SAMD5: variants seen among roughly 807,000 people sequenced by gnomAD.
SAMD5 encodes the protein sterile alpha motif domain-containing protein 5.
Under a neutral mutation model 11.3 loss-of-function variants are expected in SAMD5, and 13 were observed. That is an observed-to-expected ratio of 1.15 (90% CI 0.75 to 1.83). The LOEUF (loss-of-function observed/expected upper bound fraction) is 1.83, where lower values mean the gene tolerates loss of function less well. Ranked by LOEUF, SAMD5 falls within the 40% of genes most tolerant of loss-of-function variation. SAMD5 has a pLI of 0.00. For synonymous variants in SAMD5, 129 were observed against 111.3 expected (o/e 1.16, Z -1.00); for missense variants, 255 against 239.1 (o/e 1.07, Z -0.44).
chr6:147,665,608 C>G (rs1231274639), intron 1 of SAMD5, among the ~76,000 whole-genome samples: 3 of 152,172 alleles, frequency 2.0e-5, no homozygotes, highest in Non-Finnish European at 4.4e-5. Context: ...AGGGTGACCT[C>G]CTGCTGCTTT....
intron 1 of SAMD5, among the ~76,000 whole-genome samples, chr6:147,673,215 C>T (rs1790817591): frequency 6.7e-6 from 1 of 149,336 alleles, no homozygotes; most frequent in Non-Finnish European, 1.5e-5. Context: ...AAAGCAAAAA[C>T]CATTTTTTTT....
the SAMD5 span, among the ~76,000 whole-genome samples, chr6:147,889,930 C>G: frequency 1.3e-5 from 2 of 152,160 alleles, no homozygotes; most frequent in African/African-American, 4.8e-5. Flanking sequence ...CTCCCTTTGG[C>G]ATTGGTGTCC....
At chr6:147,828,764 T>C in the SAMD5 span, among the ~76,000 whole-genome samples, 1 of 152,194 alleles carries the variant, frequency 6.6e-6, no homozygotes, top group African/African-American at 2.4e-5. Context: ...GTTCTGTCCC[T>C]TTGGAGAACA....
chr6:147,798,881 G>T, the SAMD5 span, among the ~76,000 whole-genome samples: 150 of 152,160 alleles, frequency 9.9e-4, no homozygotes, highest in African/African-American at 3.5e-3. Context: ...TCAGAGACTA[G>T]GATTGCAACC....
chr6:147,620,838 T>A (rs1789948810), intron 1 of SAMD5, among the ~76,000 whole-genome samples: 1 of 152,076 alleles, frequency 6.6e-6, no homozygotes, highest in Non-Finnish European at 1.5e-5. Flanking sequence ...GGGGTCAATT[T>A]GGATGTTGGG....
At chr6:147,911,604 C>G in the SAMD5 span, among the ~76,000 whole-genome samples, 1 of 152,182 alleles carries the variant, frequency 6.6e-6, no homozygotes, top group Non-Finnish European at 1.5e-5. Flanking sequence ...TTAGAAATGC[C>G]TTTCCCTTTG....
chr6:147,637,859 G>A (rs1039559411), intron 1 of SAMD5, among the ~76,000 whole-genome samples: 2 of 120,242 alleles, frequency 1.7e-5, no homozygotes, highest in Admixed American at 1.6e-4. Context: ...AAGCAAGTTC[G>A]GTTTTTTTTT....
At chr6:147,810,407 C>T in the SAMD5 span, among the ~76,000 whole-genome samples, 1 of 152,160 alleles carries the variant, frequency 6.6e-6, no homozygotes, top group Non-Finnish European at 1.5e-5. Flanking sequence ...GAGCCTGTGA[C>T]CCAGGAGCAC....
the SAMD5 span, among the ~76,000 whole-genome samples, chr6:147,839,669 G>A: frequency 6.6e-6 from 1 of 152,190 alleles, no homozygotes; most frequent in Non-Finnish European, 1.5e-5. Flanking sequence ...AGAAACACTT[G>A]AACCAGGGAG....
At chr6:147,866,217 A>G in the SAMD5 span, among the ~76,000 whole-genome samples, 2 of 152,154 alleles carry the variant, frequency 1.3e-5, no homozygotes, top group Non-Finnish European at 2.9e-5. Context: ...CTTGTTGATC[A>G]ATTTATAACT....
intron 1 of SAMD5, among the ~76,000 whole-genome samples, chr6:147,731,541 T>C (rs1460398162): frequency 6.6e-6 from 1 of 151,972 alleles, no homozygotes; most frequent in Non-Finnish European, 1.5e-5. Flanking sequence ...ATATTCTCTG[T>C]ACTCTGTACC....
At chr6:147,745,822 C>T in the SAMD5 span, among the ~76,000 whole-genome samples, 7 of 150,806 alleles carry the variant, frequency 4.6e-5, no homozygotes, top group East Asian at 7.8e-4. Context: ...TCTATCACCC[C>T]GGCTGGACTA....
intron 1 of SAMD5, among the ~76,000 whole-genome samples, chr6:147,519,843 A>G (rs947230079): frequency 6.6e-6 from 1 of 152,242 alleles, no homozygotes; most frequent in Non-Finnish European, 1.5e-5. Flanking sequence ...CGAGGCCAAC[A>G]AAAGACTTTT....
chr6:147,933,568 C>G, the SAMD5 span, among the ~76,000 whole-genome samples: 3 of 152,146 alleles, frequency 2.0e-5, no homozygotes, highest in African/African-American at 7.2e-5. Context: ...TCCTATCCAG[C>G]TTTGTGTCTT....
chr6:147,798,546 T>C, the SAMD5 span, among the ~76,000 whole-genome samples: 4 of 151,746 alleles, frequency 2.6e-5, no homozygotes, highest in Non-Finnish European at 5.9e-5. Context: ...TATATTCTGT[T>C]GATTTGGGGT....
the SAMD5 span, among the ~76,000 whole-genome samples, chr6:147,816,189 A>T: frequency 6.7e-6 from 1 of 148,714 alleles, no homozygotes; most frequent in Non-Finnish European, 1.5e-5. Context: ...CTGAGGCAGG[A>T]TAATCGCTTG....
the SAMD5 span, among the ~76,000 whole-genome samples, chr6:147,746,429 A>T: frequency 2.6e-5 from 4 of 152,224 alleles, 1 homozygote; most frequent in African/African-American, 2.4e-5. Flanking sequence ...ATGCTAGATT[A>T]TTTCTAAGGC....
intron 1 of SAMD5, among the ~76,000 whole-genome samples, chr6:147,584,616 G>A (rs1048293457): frequency 6.6e-6 from 1 of 152,208 alleles, no homozygotes; most frequent in African/African-American, 2.4e-5. Flanking sequence ...GACAGTGCCA[G>A]CTGTAGGTGG....
chr6:147,824,071 A>G, the SAMD5 span, among the ~76,000 whole-genome samples: 2 of 152,222 alleles, frequency 1.3e-5, no homozygotes, highest in Non-Finnish European at 2.9e-5. Context: ...CCATCCCCTG[A>G]GCCAAATGGA....
Sources: allele counts gnomAD v4.1 joint callset (sites outside exome capture counted in the v4.1 genomes callset), GRCh38; gene constraint gnomAD v4.1.1; transcripts MANE v1.5; gene names NCBI Gene and HGNC (gene_info 2026-07-23, HGNC 2026-07-21).